PAPSS2: variants seen among roughly 807,000 people sequenced by gnomAD.
The protein encoded by PAPSS2 is 3'-phosphoadenosine 5'-phosphosulfate synthase 2, also known as bifunctional 3'-phosphoadenosine 5'-phosphosulfate synthase 2.
A neutral mutation model predicts 66.5 loss-of-function variants in PAPSS2; 61 were observed. The ratio of observed to expected loss-of-function variants is 0.92; its 90% CI spans 0.75 to 1.14. The LOEUF (loss-of-function observed/expected upper bound fraction) is 1.14, where lower values mean the gene tolerates loss of function less well. Ranked by LOEUF, PAPSS2 falls within the 50% of genes most tolerant of loss-of-function variation. The probability of loss-of-function intolerance (pLI) is 0.00; values close to 1 mark genes in which losing one functional copy is unlikely to be tolerated. For missense variants in PAPSS2, 708 were observed against 789.6 expected, an observed-to-expected ratio of 0.90 and a Z score of 1.24; for synonymous variants, 289 against 287.5, an observed-to-expected ratio of 1.01 and a Z score of -0.05.
At chr10:87,672,705 T>C (rs1285532232) in intron 1 of PAPSS2, among the ~76,000 whole-genome samples, 1 of 152,114 alleles carries the variant, frequency 6.6e-6, no homozygotes, top group East Asian at 1.9e-4. Flanking sequence ...AAAGGTACAG[T>C]GACAATGAGA....
chr10:87,725,368 A>G (rs753638487), intron 8 of PAPSS2, among the ~76,000 whole-genome samples: 10 of 152,210 alleles, frequency 6.6e-5, no homozygotes, highest in Non-Finnish European at 1.2e-4. Flanking sequence ...GCTGTGCTGT[A>G]TACTGAGAAA....
intron 7 of PAPSS2, among the ~76,000 whole-genome samples, chr10:87,718,513 G>A (rs183862338): frequency 1.6e-4 from 24 of 152,318 alleles, no homozygotes; most frequent in Non-Finnish European, 3.2e-4. Flanking sequence ...GCCCCTACCT[G>A]CTCATGCAGA....
intron 1 of PAPSS2, among the ~76,000 whole-genome samples, chr10:87,688,609 G>A (rs1019975921): frequency 6.6e-5 from 10 of 151,742 alleles, no homozygotes; most frequent in Non-Finnish European, 1.3e-4. Flanking sequence ...ACAGGCGCCC[G>A]CCACCACGCC....
intron 1 of PAPSS2, among the ~76,000 whole-genome samples, chr10:87,701,423 TC>T (rs1470674023): frequency 0.011 from 1,399 of 130,066 alleles, 112 homozygotes; most frequent in African/African-American, 0.042. Flanking sequence ...TCTCTCTCTC[TC>T]TCTCTCTCTT....
intron 1 of PAPSS2, among the ~76,000 whole-genome samples, chr10:87,705,301 GTAT>G (rs1306572304): frequency 1.3e-5 from 2 of 152,136 alleles, no homozygotes; most frequent in Non-Finnish European, 2.9e-5. Flanking sequence ...CATTATATAA[GTAT>G]TCTACACTTT....
rs1554860724 is a variant in PAPSS2 at position 87,659,905 on chromosome 10, T to TGCCGCCGCC, written c.-66_-58dup. On this transcript the variant is annotated 5_prime_UTR_variant, in exon 1 of 13. Transcript: ENST00000456849. ...CCGCTGCTGCTGCTGCTGCTGCTGCTGCCGCCGCCGCCGCCGCCGTCCCTG... is the reference window on the plus strand; with the variant it reads ...CCGCTGCTGCTGCTGCTGCTGCTGCTGCCGCCGCCGCCGCCGCCGCCGCCGCCGTCCCTG... 57 of 1,423,746 alleles carry TGCCGCCGCC rather than the reference T, an allele frequency of 4.0e-5. No individual in the cohort carries two copies. The highest frequency in any genetic ancestry group is 4.6e-5 in the Non-Finnish European group (47 of 1,017,244). 88.2% of individuals were successfully genotyped at this position (1,423,746 alleles called of 1,614,324 possible).
Position 87,724,030 on chromosome 10 carries a change from C to T in PAPSS2, c.880+2260C>T, listed in dbSNP as rs545443581. Among the ~76,000 whole-genome samples the T allele has an allele frequency of 5.3e-5, 8 of 152,106 alleles. No individual in the cohort carries two copies. In the East Asian group the frequency reaches 1.4e-3, roughly 26 times the overall value. On this transcript the variant is annotated intron_variant, in intron 8 of 12. Coordinates refer to ENST00000456849, the MANE Select transcript of PAPSS2 (RefSeq NM_001015880.2). ...GTCCCTAATATTATTTTGTGTTATA[C>T]GCTTAACCATGAGCCCTCATTTTCT...
Position 87,714,056 on chromosome 10 carries a change from G to T in PAPSS2, c.394G>T (p.Ala132Ser). Residue 132 changes from alanine to serine, a missense_variant, in exon 4 of 13, where the codon GCC becomes TCC. Ala to Ser is a moderately conservative substitution (Grantham distance 99). Transcript: ENST00000456849. The stretch of plus-strand genomic sequence containing the variant: ...TATTGCTTTTCAGGATCGTGAGAAT[G>T]CCCGCAAAATACATGAATCAGCAGG... ...ISPFAKDREN[A>S]RKIHESAGLP... 1.9e-6 allele frequency: 3 copies of T among 1,613,912 alleles called. No individual in the cohort carries two copies. The South Asian group carries it at 3.3e-5, about 18-fold the overall frequency.
chr10:87,726,232 C>T (rs142542700), intron 8 of PAPSS2, among the ~76,000 whole-genome samples: 2,579 of 152,202 alleles, frequency 0.017, 40 homozygotes, highest in Middle Eastern at 0.027. Flanking sequence ...GAGATCGAGA[C>T]CATCCTGGCC....
At position 87,745,024 on chromosome 10, in the gene PAPSS2, G is replaced by T. The variant is rs200426784; in HGVS notation, c.1514G>T (p.Arg505Leu). ...PTEVQWHCRS[R>L]MIAGANFYIV... ...TAGGTCCAGTGGCACTGCAGGTCCC[G>T]GATGATTGCGGGTGCCAATTTCTAC... Residue 505 changes from arginine (R) to leucine (L), a missense_variant, in exon 12 of 13, where the codon CGG (arginine) becomes CTG (leucine). By Grantham distance (102) the Arg-to-Leu change is moderately radical. Coordinates refer to ENST00000456849, the MANE Select transcript of PAPSS2 (RefSeq NM_001015880.2). The T allele has an allele frequency of 6.2e-7, 1 of 1,614,062 alleles. No homozygotes were observed. The highest frequency in any genetic ancestry group is 2.2e-5 in the East Asian group (1 of 44,856).
At chr10:87,721,844 A>G (rs1333336779) in intron 8 of PAPSS2, 74 bp downstream of exon 8, 27 of 880,022 alleles carry the variant, frequency 3.1e-5, no homozygotes, top group Non-Finnish European at 4.2e-5. Flanking sequence ...ATGGTTAAGA[A>G]CATAACTAAA....
chr10:87,708,998 T>C (rs534720153), intron 1 of PAPSS2, among the ~76,000 whole-genome samples, 198 bp from the exon 2 acceptor site: 2 of 152,286 alleles, frequency 1.3e-5, no homozygotes, highest in African/African-American at 4.8e-5. Context: ...ATGTAGCTAA[T>C]GGCTCAGGGT....
chr10:87,663,780 G>A (rs1852783548), intron 1 of PAPSS2, among the ~76,000 whole-genome samples: 1 of 152,120 alleles, frequency 6.6e-6, no homozygotes, highest in South Asian at 2.1e-4. Flanking sequence ...AAATTGTCTT[G>A]CTCAGTGCCA....
intron 1 of PAPSS2, among the ~76,000 whole-genome samples, chr10:87,706,681 C>A (rs574610969): frequency 6.6e-6 from 1 of 151,996 alleles, no homozygotes; most frequent in East Asian, 1.9e-4. Context: ...ATAGCTGGAT[C>A]CTGGGAGTTC....
chr10:87,701,587 C>G (rs932372253), intron 1 of PAPSS2, among the ~76,000 whole-genome samples: 1 of 151,826 alleles, frequency 6.6e-6, no homozygotes, highest in Non-Finnish European at 1.5e-5. Flanking sequence ...CCACACCCAG[C>G]TAATTTTTAA....
intron 1 of PAPSS2, among the ~76,000 whole-genome samples, chr10:87,699,308 A>C (rs1853273151): frequency 6.6e-6 from 1 of 152,182 alleles, no homozygotes; most frequent in South Asian, 2.1e-4. Context: ...ATTTTTTTGC[A>C]GTCAAAGTTT....
intron 7 of PAPSS2, among the ~76,000 whole-genome samples, chr10:87,718,994 G>C (rs1303440290): frequency 6.6e-6 from 1 of 152,130 alleles, no homozygotes; most frequent in Non-Finnish European, 1.5e-5. Flanking sequence ...TTTTCCCTGT[G>C]GGAATTATCT....
intron 9 of PAPSS2, among the ~76,000 whole-genome samples, chr10:87,732,642 T>A (rs1853743874): frequency 6.6e-6 from 1 of 152,224 alleles, no homozygotes; most frequent in South Asian, 2.1e-4. Flanking sequence ...CCAAAAAATT[T>A]GTGTGACTCC....
intron 9 of PAPSS2, among the ~76,000 whole-genome samples, chr10:87,730,679 G>A (rs940702266): frequency 6.6e-6 from 1 of 152,120 alleles, no homozygotes; most frequent in Non-Finnish European, 1.5e-5. Flanking sequence ...TATATTTTGG[G>A]GTAAAATATT....
Sources: gnomAD v4.1 joint callset for allele counts (sites outside exome capture counted in the v4.1 genomes callset) on GRCh38, gnomAD v4.1.1 for gene constraint, MANE v1.5 for transcripts, NCBI Gene and HGNC (gene_info 2026-07-23, HGNC 2026-07-21) for gene names.